The following CALN1 variants were observed in gnomAD, a reference collection of about 807,000 sequenced individuals.
CALN1 encodes calneuron 1.
In CALN1, 17 loss-of-function variants were observed where a neutral mutation model predicts 30.6. That is an observed-to-expected ratio of 0.56 (90% confidence interval 0.38 to 0.83). The LOEUF is 0.83. Ranked by LOEUF, CALN1 falls within the 40% of genes least tolerant of loss-of-function variation. The pLI is 0.00. For missense variants in CALN1, 291 were observed against 354.9 expected (o/e 0.82, Z 1.45); for synonymous variants, 156 against 131.4 (o/e 1.19, Z -1.28).
chr7:72,183,307 G>A (rs1789947590), intron 3 of CALN1, among the ~76,000 whole-genome samples: 2 of 152,142 alleles, frequency 1.3e-5, no homozygotes, highest in Admixed American at 6.6e-5. Flanking sequence ...AAAGATAACA[G>A]AAGAAGGCAA....
In CALN1 at chr7:72,181,096, A is replaced by ACCCCCCCC. The variant is rs199527098; in HGVS notation, c.245-74810_245-74803dup. On this transcript the variant is annotated intron_variant, in intron 3 of 6. Transcript: ENST00000395275. ...CTGGGCAACAGAGCGAAACTGCATA[A>ACCCCCCCC]CCCCCCCCCCCCCCAAAAAAAAAAA... is the stretch of plus-strand genomic sequence containing the variant. 5.9e-4 allele frequency among the ~76,000 whole-genome samples: 44 copies of ACCCCCCCC among 74,600 alleles called. 3 individuals carry two copies. The highest frequency in any genetic ancestry group is 1.1e-3 in the South Asian group (2 of 1,750). 48.9% of individuals were successfully genotyped at this position (74,600 alleles called of 152,430 possible).
intron 3 of CALN1, among the ~76,000 whole-genome samples, chr7:72,200,079 C>T (rs7790128): frequency 9.9e-5 from 15 of 152,100 alleles, no homozygotes; most frequent in Non-Finnish European, 1.8e-4. Flanking sequence ...CTTATCCTAC[C>T]GCCTCTCCAC....
At chr7:72,451,805 A>G (rs1004146892), upstream of CALN1, among the ~76,000 whole-genome samples, 1 of 151,788 alleles carries the variant, frequency 6.6e-6, no homozygotes, top group African/African-American at 2.4e-5. Context: ...ACCTATCAAG[A>G]AGAAACAATA....
intron 5 of CALN1, among the ~76,000 whole-genome samples, chr7:72,010,616 A>G (rs1800015358): frequency 6.6e-6 from 1 of 151,196 alleles, no homozygotes; most frequent in South Asian, 2.1e-4. Context: ...GTTCAAGACC[A>G]GCCTGACCAA....
intron 1 of CALN1, among the ~76,000 whole-genome samples, chr7:72,422,628 T>G (rs1008396254): frequency 3.3e-5 from 5 of 152,362 alleles, no homozygotes; most frequent in African/African-American, 1.2e-4. Context: ...TCCCTCCCAG[T>G]GAGATTCCAT....
chr7:72,152,318 T>A (rs970441243), intron 3 of CALN1, among the ~76,000 whole-genome samples: 1 of 152,224 alleles, frequency 6.6e-6, no homozygotes, highest in Non-Finnish European at 1.5e-5. Flanking sequence ...GTTCTGTTTA[T>A]GCCAAGATGA....
chr7:72,231,070 T>TCA (rs1173908016), intron 3 of CALN1, among the ~76,000 whole-genome samples: 2 of 152,034 alleles, frequency 1.3e-5, no homozygotes, highest in Non-Finnish European at 2.9e-5. Flanking sequence ...AGTCTGTCAG[T>TCA]CACTCAGTAG....
chr7:72,496,906 T>A, the CALN1 span, among the ~76,000 whole-genome samples: 1 of 152,120 alleles, frequency 6.6e-6, no homozygotes, highest in Non-Finnish European at 1.5e-5. Context: ...CTTATAGTCT[T>A]ATGAGGCCAA....
chr7:72,220,880 T>A (rs958569099), intron 3 of CALN1, among the ~76,000 whole-genome samples: 4 of 152,202 alleles, frequency 2.6e-5, no homozygotes, highest in Non-Finnish European at 4.4e-5. Flanking sequence ...GCCCACTTTT[T>A]GATGGGGTTG....
chr7:71,880,582 C>T (rs796873036), intron 5 of CALN1, among the ~76,000 whole-genome samples: 6 of 152,246 alleles, frequency 3.9e-5, no homozygotes, highest in African/African-American at 1.4e-4. Flanking sequence ...TCCAATCTCT[C>T]CCCCGAATTC....
At chr7:71,825,510 GAA>G (rs564835847) in intron 5 of CALN1, among the ~76,000 whole-genome samples, 5 of 152,074 alleles carry the variant, frequency 3.3e-5, no homozygotes, top group Non-Finnish European at 7.4e-5. Context: ...AATTTATAAA[GAA>G]GAGGTTTAAT....
chr7:71,788,479 T>TG lies in CALN1; in HGVS notation c.659-578_659-577insC, dbSNP rs1203232366. Among the ~76,000 whole-genome samples, 272 of 128,516 alleles carry TG rather than the reference T, an allele frequency of 2.1e-3. 11 individuals are homozygous for TG. The South Asian group carries it at 0.036, about 17-fold the overall frequency. The allele number at this position is 128,516 out of a possible 152,430, so 84.3% of individuals were successfully genotyped here. On this transcript the variant is annotated intron_variant, in intron 6 of 6. Transcript: ENST00000395275. Reference sequence around the variant, plus strand: ...AAGCAGCATCCCCATTACTAAGAGGTTTTTTTTTGTTGTTTTTTTTTTTTT... The same window carrying TG: ...AAGCAGCATCCCCATTACTAAGAGGTGTTTTTTTTGTTGTTTTTTTTTTTTT...
intron 5 of CALN1, among the ~76,000 whole-genome samples, chr7:71,890,746 CTT>C (rs10690153): frequency 8.9e-5 from 11 of 123,212 alleles, no homozygotes; most frequent in Admixed American, 9.5e-5. Context: ...TGTTTTCTAG[CTT>C]TTTTTTTTTT....
At chr7:71,945,833 A>T (rs1796379333) in intron 5 of CALN1, among the ~76,000 whole-genome samples, 2 of 152,228 alleles carry the variant, frequency 1.3e-5, no homozygotes, top group South Asian at 4.1e-4. Flanking sequence ...GTACATAATA[A>T]ATGTAATGTG....
intron 3 of CALN1, among the ~76,000 whole-genome samples, chr7:72,204,096 G>A (rs966233000): frequency 1.4e-4 from 20 of 143,138 alleles, no homozygotes; most frequent in Non-Finnish European, 2.5e-4. Flanking sequence ...GGTCTACGCC[G>A]TTCTGCCTTA....
chr7:72,192,831 G>A (rs1294847354), intron 3 of CALN1, among the ~76,000 whole-genome samples: 1 of 116,976 alleles, frequency 8.5e-6, no homozygotes. Flanking sequence ...AGTCCCCAGA[G>A]TGTGATATTC....
rs185253340 is a variant in CALN1 at position 72,180,000 on chromosome 7, C to T, written c.245-73706G>A. Among the ~76,000 whole-genome samples, 304 of 152,262 alleles carry T rather than the reference C, an allele frequency of 2.0e-3. 2 individuals carry two copies. The highest frequency in any genetic ancestry group is 6.8e-3 in the Middle Eastern group (2 of 294). ...CAAAGGTCATTTTACATGATCCGTC[C>T]GCATCAGGATACAAACAAGGCACAC... On this transcript the variant is annotated intron_variant, in intron 3 of 6. Coordinates refer to ENST00000395275, the MANE Select transcript of CALN1 (RefSeq NM_031468.4).
the CALN1 span, among the ~76,000 whole-genome samples, chr7:72,470,245 G>A: frequency 6.6e-6 from 1 of 152,114 alleles, no homozygotes; most frequent in Non-Finnish European, 1.5e-5. Context: ...GCAGTAATGT[G>A]CATAGAGCCC....
At chr7:72,204,884 G>A (rs1791711437) in intron 3 of CALN1, among the ~76,000 whole-genome samples, 1 of 151,938 alleles carries the variant, frequency 6.6e-6, no homozygotes, top group African/African-American at 2.4e-5. Flanking sequence ...GGGTCCCAAG[G>A]CAATTCACGT....
Sources: allele counts gnomAD v4.1 joint callset (sites outside exome capture counted in the v4.1 genomes callset), GRCh38; gene constraint gnomAD v4.1.1; transcripts MANE v1.5; gene names NCBI Gene and HGNC (gene_info 2026-07-23, HGNC 2026-07-21).